The following IL3RA variants were observed in gnomAD, a reference collection of about 807,000 sequenced individuals.
IL3RA encodes the protein interleukin-3 receptor subunit alpha.
A neutral mutation model predicts 52.3 loss-of-function variants in IL3RA; 73 were observed. The observed-to-expected ratio is 1.40, with a 90% CI of 1.16 to 1.70. IL3RA has a LOEUF of 1.70. IL3RA is among the 40% of genes most tolerant of loss of function. The pLI is 0.00. For synonymous variants in IL3RA, 260 were observed against 194.0 expected (o/e 1.34, Z -2.83); for missense variants, 664 against 504.4 (o/e 1.32, Z -3.03).
intron 8 of IL3RA, among the ~76,000 whole-genome samples, chrX:1,362,721 C>G (rs1461126915): frequency 6.6e-6 from 1 of 152,158 alleles, no homozygotes; most frequent in Non-Finnish European, 1.5e-5. Context: ...TCACTCCACT[C>G]TCTGCCTCCG....
At chrX:1,355,136 T>G (rs1307451280) in intron 6 of IL3RA, among the ~76,000 whole-genome samples, 3 of 22,456 alleles carry the variant, frequency 1.3e-4, no homozygotes, top group East Asian at 1.7e-3. Context: ...AGGAGGAGAA[T>G]GGGCAGGGAG....
At position 1,364,941 on chromosome X, in the gene IL3RA, TG is replaced by T. The variant is rs2087801757; in HGVS notation, c.760-194del. Among the ~76,000 whole-genome samples, 3 of 152,132 alleles carry T rather than the reference TG, an allele frequency of 2.0e-5. No individual in the cohort carries two copies. In the South Asian group the frequency reaches 6.2e-4, roughly 32 times the overall value. ...CTCCTGCCTCAGCCTCCTGAGTAGC[TG>T]GGATTACAGGTGCCTGCCACCATGC... On this transcript the variant is annotated intron_variant, in intron 8 of 11. Transcript: ENST00000331035.
chrX:1,358,076 T>G (rs1383668182), intron 7 of IL3RA, among the ~76,000 whole-genome samples: 1 of 150,268 alleles, frequency 6.7e-6, no homozygotes, highest in African/African-American at 2.5e-5. Flanking sequence ...CTGCACTCCA[T>G]CCTGGGCAAC....
intron 8 of IL3RA, among the ~76,000 whole-genome samples, chrX:1,363,147 C>T (rs1195704314): frequency 3.3e-5 from 5 of 151,944 alleles, no homozygotes; most frequent in South Asian, 4.1e-4. Flanking sequence ...GACATCATCT[C>T]AATCTATATC....
intron 7 of IL3RA, 21 bp downstream of exon 7, chrX:1,356,357 C>T: frequency 7.2e-7 from 1 of 1,383,192 alleles, no homozygotes; most frequent in Non-Finnish European, 9.9e-7. Flanking sequence ...ACCCCGCCCC[C>T]AGCCCCCCCA....
At chrX:1,339,882 C>T (rs1226156125) in intron 1 of IL3RA, among the ~76,000 whole-genome samples, 1 of 152,084 alleles carries the variant, frequency 6.6e-6, no homozygotes, top group African/African-American at 2.4e-5. Context: ...TTCTGGGATG[C>T]GGCAGAAAGT....
intron 2 of IL3RA, among the ~76,000 whole-genome samples, chrX:1,343,952 C>T (rs1476738561): frequency 4.0e-4 from 60 of 151,770 alleles, no homozygotes; most frequent in Admixed American, 2.2e-3. Context: ...CCCGCCACCA[C>T]GCCCAACTAA....
chrX:1,361,785 CGA>C (rs2087414520), intron 8 of IL3RA, among the ~76,000 whole-genome samples: 1 of 149,808 alleles, frequency 6.7e-6, no homozygotes, highest in African/African-American at 2.5e-5. Context: ...AAATGAGAGC[CGA>C]GAGAAAGGTT....
At chrX:1,339,004 G>C (rs1266106462) in intron 1 of IL3RA, among the ~76,000 whole-genome samples, 1 of 152,010 alleles carries the variant, frequency 6.6e-6, no homozygotes, top group Non-Finnish European at 1.5e-5. Flanking sequence ...ATGTTTAGTA[G>C]AGTAGTAGAG....
chrX:1,351,843 T>C (rs1328963376), intron 4 of IL3RA, among the ~76,000 whole-genome samples: 53 of 138,576 alleles, frequency 3.8e-4, no homozygotes, highest in East Asian at 8.8e-4. Flanking sequence ...TTAGCCAGGC[T>C]GGTCTCGAAC....
chrX:1,341,946 C>A, intron 2 of IL3RA, 117 bp downstream of exon 2: 1 of 1,046,590 alleles, frequency 9.6e-7, no homozygotes, highest in Non-Finnish European at 1.5e-6. Context: ...ATGGCAGAGT[C>A]TCATGCAGTG....
At chrX:1,368,031 G>A (rs1291756989) in intron 9 of IL3RA, among the ~76,000 whole-genome samples, 2 of 152,016 alleles carry the variant, frequency 1.3e-5, no homozygotes, top group Admixed American at 1.3e-4. Context: ...AGACCGAGGC[G>A]GGCGGATCAC....
intron 8 of IL3RA, among the ~76,000 whole-genome samples, chrX:1,362,086 G>T (rs1415152381): frequency 1.3e-5 from 2 of 149,506 alleles, no homozygotes; most frequent in African/African-American, 5.0e-5. Context: ...TTCTATCTCT[G>T]TCTCTCTCTG....
In IL3RA at chrX:1,382,526, C is replaced by A. The variant is rs2089230621; in HGVS notation, c.*61C>A. 7 of 1,465,490 alleles carry A rather than the reference C, an allele frequency of 4.8e-6. No individual in the cohort carries two copies. The highest frequency in any genetic ancestry group is 1.4e-5 in the African/African-American group (1 of 72,118). The allele number at this position is 1,465,490 out of a possible 1,614,324, so 90.8% of individuals were successfully genotyped here. On this transcript the variant is annotated 3_prime_UTR_variant, in exon 12 of 12. Transcript: ENST00000331035. ...TCTCCCTGGCCGGGCCAGGCGCCTG[C>A]ACAGACTGGCTGCTGGACCTGCGCA...
chrX:1,361,415 AAGG>A, intron 8 of IL3RA, among the ~76,000 whole-genome samples: 1 of 152,124 alleles, frequency 6.6e-6, no homozygotes, highest in East Asian at 1.9e-4. Context: ...GCAGAAGGTG[AAGG>A]AGGAGGAAAG....
intron 3 of IL3RA, among the ~76,000 whole-genome samples, chrX:1,346,606 CAAAACAAAAACA>C (rs374362563): frequency 6.6e-6 from 1 of 151,688 alleles, no homozygotes; most frequent in Non-Finnish European, 1.5e-5. Context: ...GACTCCATCT[CAAAACAAAAACA>C]AAAACAAAAG....
intron 8 of IL3RA, among the ~76,000 whole-genome samples, chrX:1,362,331 GTC>G (rs1395487224): frequency 3.0e-5 from 4 of 131,766 alleles, no homozygotes; most frequent in South Asian, 2.5e-4. Flanking sequence ...GTCTCTCCCT[GTC>G]TGTTTCTATC....
chrX:1,356,105 G>C (rs777894769), intron 6 of IL3RA, 116 bp from the exon 7 acceptor site: 19 of 696,208 alleles, frequency 2.7e-5, no homozygotes, highest in Admixed American at 7.9e-5. Flanking sequence ...TTTCTCTCCC[G>C]CTCTCCAAAT....
chrX:1,345,779 C>T lies in IL3RA; in HGVS notation c.183+345C>T, dbSNP rs1204710262. 4.6e-5 allele frequency among the ~76,000 whole-genome samples: 7 copies of T among 151,906 alleles called. No homozygotes were observed. The South Asian group carries it at 1.0e-3, about 22-fold the overall frequency. ...TGCTGGGATTACAGGCGCGAGTCAC[C>T]GCGCATGGCCCAGACTCTCTAATGT... On this transcript the variant is annotated intron_variant, in intron 3 of 11. Transcript: ENST00000331035.
Sources: allele counts gnomAD v4.1 joint callset (sites outside exome capture counted in the v4.1 genomes callset), GRCh38; gene constraint gnomAD v4.1.1; transcripts MANE v1.5; gene names NCBI Gene and HGNC (gene_info 2026-07-23, HGNC 2026-07-21).